Variants in TSKS observed in about 807,000 individuals in gnomAD.
TSKS encodes testis specific serine kinase substrate, also known as testis-specific serine kinase substrate.
Under a neutral mutation model 68.0 loss-of-function variants are expected in TSKS, and 27 were observed. The observed-to-expected ratio is 0.40, with a 90% CI of 0.29 to 0.55. The LOEUF (loss-of-function observed/expected upper bound fraction) is 0.55, where lower values mean the gene tolerates loss of function less well. TSKS is among the 20% of genes least tolerant of loss of function. The pLI is 0.53. For missense variants in TSKS, 806 were observed against 776.0 expected, an observed-to-expected ratio of 1.04 and a Z score of -0.46; for synonymous variants, 331 against 340.4, an observed-to-expected ratio of 0.97 and a Z score of 0.30.
intron 2 of TSKS, among the ~76,000 whole-genome samples, chr19:49,760,514 T>G (rs2084431532): frequency 6.6e-6 from 1 of 151,944 alleles, no homozygotes; most frequent in Non-Finnish European, 1.5e-5. Flanking sequence ...TTTTTGTATT[T>G]TTAGTAGAGA....
rs534346167 is a variant in TSKS at position 49,740,189 on chromosome 19, G to A, written c.1498-6C>T. On this transcript the variant is annotated splice_region_variant and splice_polypyrimidine_tract_variant and intron_variant, in intron 9 of 10. Coordinates refer to ENST00000246801, the MANE Select transcript of TSKS (RefSeq NM_021733.2). ...AAGGCCTGGCGCTCCAGCTCCTGGG[G>A]AGAGGAGCGTAGGCGTAGCTGGGCT... 44 of 1,610,432 alleles carry A rather than the reference G, an allele frequency of 2.7e-5. No homozygotes were observed. In the Admixed American group the frequency reaches 5.4e-4, roughly 20 times the overall value.
At chr19:49,762,867 A>G (rs1882096153) in intron 1 of TSKS, among the ~76,000 whole-genome samples, 1 of 149,348 alleles carries the variant, frequency 6.7e-6, no homozygotes, top group East Asian at 2.0e-4. Context: ...ATCCATCCCC[A>G]TTACCTTCTT....
intron 7 of TSKS, 46 bp downstream of exon 7, chr19:49,745,156 T>G: frequency 6.7e-7 from 1 of 1,497,258 alleles, no homozygotes; most frequent in Non-Finnish European, 9.0e-7. Flanking sequence ...AGGTTGGGAT[T>G]GCCCTGCCCC....
chr19:49,757,804 C>T (rs1000740895), intron 2 of TSKS, among the ~76,000 whole-genome samples: 1 of 151,428 alleles, frequency 6.6e-6, no homozygotes, highest in African/African-American at 2.4e-5. Context: ...CTGTCTCACC[C>T]TGATTCAGCT....
chr19:49,762,932 T>C, intron 1 of TSKS, 146 bp downstream of exon 1: 1 of 956,708 alleles, frequency 1.0e-6, no homozygotes, highest in Non-Finnish European at 1.5e-6. Flanking sequence ...TGTGACTTGA[T>C]GTCTCTTCAC....
chr19:49,740,966 C>T (rs886710516), intron 9 of TSKS, among the ~76,000 whole-genome samples: 8 of 151,950 alleles, frequency 5.3e-5, no homozygotes, highest in African/African-American at 1.9e-4. Flanking sequence ...ATCACGAGAT[C>T]AGGAGATCGA....
chr19:49,740,207 G>GCTGGGCTTGCTGGA (rs1231773674), intron 9 of TSKS, 24 bp from the exon 10 acceptor site: 1 of 1,598,660 alleles, frequency 6.3e-7, no homozygotes, highest in African/African-American at 1.3e-5. Flanking sequence ...CGTAGGCGTA[G>GCTGGGCTTGCTGGA]CTGGGCTTGC....
rs528416016 is a variant in TSKS at position 49,758,909 on chromosome 19, G to T, written c.399+3095C>A. On this transcript the variant is annotated intron_variant, in intron 2 of 10. Coordinates refer to ENST00000246801, the MANE Select transcript of TSKS (RefSeq NM_021733.2). Reference sequence around the variant, plus strand: ...TTTTGCTCTTGTTGCCCAGGCTGGAGTGCAATGGCACGATTTCGGTTCACT... The same window carrying T: ...TTTTGCTCTTGTTGCCCAGGCTGGATTGCAATGGCACGATTTCGGTTCACT... Among the ~76,000 whole-genome samples the T allele has an allele frequency of 2.0e-5, 3 of 151,860 alleles. No individual in the cohort carries two copies. The South Asian group carries it at 6.2e-4, about 32-fold the overall frequency.
chr19:49,747,116 G>A, intron 5 of TSKS: 1 of 1,508,498 alleles, frequency 6.6e-7, no homozygotes, highest in Non-Finnish European at 8.9e-7. Flanking sequence ...TGGAAAATGA[G>A]TGGGCATGTG....
Position 49,745,352 on chromosome 19 carries a change from C to T in TSKS, c.1037G>A (p.Gly346Glu). 3.1e-6 allele frequency: 5 copies of T among 1,594,946 alleles called. No homozygotes were observed. Among genetic ancestry groups the T allele is most frequent in the Non-Finnish European group, 4.3e-6 (5 of 1,175,080 alleles). ...SLTARWHQEE[G>E]AVQEALRLLG... The stretch of plus-strand genomic sequence containing the variant: ...CAGCCGCAGGGCTTCCTGCACCGCC[C>T]CCTCCTCCTGATGCCACCGGGCGGT... The change falls in exon 7 of 11, where the codon GGG becomes GAG. Residue 346 changes from glycine (G) to glutamate (E), a missense_variant. Physicochemically the swap from Gly to Glu is moderately conservative, Grantham distance 98 (BLOSUM62 -2). Coordinates refer to ENST00000246801, the MANE Select transcript of TSKS (RefSeq NM_021733.2).
intron 1 of TSKS, 143 bp downstream of exon 1, chr19:49,762,935 C>T: frequency 1.0e-6 from 1 of 1,002,972 alleles, no homozygotes; most frequent in Non-Finnish European, 1.4e-6. Flanking sequence ...GACTTGATGT[C>T]TCTTCACTGC....
Position 49,762,097 on chromosome 19 carries a change from C to T in TSKS, c.306G>A (p.Val102=). Residue 102 remains valine, a synonymous_variant, in exon 2 of 11, where the codon GTG becomes GTA. Coordinates refer to ENST00000246801, the MANE Select transcript of TSKS (RefSeq NM_021733.2). ...PTDSTGTDST[V]EDLSGQLTLA... is the part of the protein sequence containing the mutation. Reference sequence around the variant, plus strand: ...GTGTGAGTTGGCCGCTGAGGTCTTCCACTGTGGAGTCTGTCCCCGTGGAGT... The same window carrying T: ...GTGTGAGTTGGCCGCTGAGGTCTTCTACTGTGGAGTCTGTCCCCGTGGAGT... 1.9e-6 allele frequency: 3 copies of T among 1,614,142 alleles called. No individual in the cohort carries two copies. The South Asian group carries it at 3.3e-5, about 18-fold the overall frequency.
intron 2 of TSKS, among the ~76,000 whole-genome samples, chr19:49,756,577 ACACTC>A (rs1456859633): frequency 6.6e-6 from 1 of 151,712 alleles, no homozygotes; most frequent in Non-Finnish European, 1.5e-5. Context: ...AAAAAAAAAA[ACACTC>A]CACAAACTAG....
chr19:49,754,309 G>T (rs2084376336), intron 2 of TSKS, among the ~76,000 whole-genome samples: 1 of 151,484 alleles, frequency 6.6e-6, no homozygotes. Context: ...GACCAGCCCA[G>T]CCAACATGGT....
chr19:49,747,042 C>G, intron 5 of TSKS: 1 of 1,313,328 alleles, frequency 7.6e-7, no homozygotes, highest in African/African-American at 1.5e-5. Flanking sequence ...TCCAAGCCCT[C>G]CAGGCGTCAA....
intron 2 of TSKS, among the ~76,000 whole-genome samples, chr19:49,760,281 C>T (rs1019253068): frequency 3.3e-5 from 5 of 151,918 alleles, no homozygotes; most frequent in African/African-American, 1.2e-4. Context: ...GACCAGATTG[C>T]ACAACATTGT....
rs554167696 is a variant in TSKS at position 49,753,020 on chromosome 19, G to C, written c.400-4551C>G. Among the ~76,000 whole-genome samples the C allele has an allele frequency of 4.0e-4, 61 of 152,372 alleles. 1 individual carries two copies. In the South Asian group the frequency reaches 0.013, roughly 32 times the overall value. Reference sequence around the variant, plus strand: ...TGTTGTTGTTCCAGTTTAAGGAAATGTCTCTCCAATCATTAGCTAACCACT... The same window carrying C: ...TGTTGTTGTTCCAGTTTAAGGAAATCTCTCTCCAATCATTAGCTAACCACT... On this transcript the variant is annotated intron_variant, in intron 2 of 10. Coordinates refer to ENST00000246801, the MANE Select transcript of TSKS (RefSeq NM_021733.2).
In TSKS at chr19:49,748,419, C is replaced by G; in HGVS notation, c.450G>C (p.Leu150Phe). 11 of 1,614,206 alleles carry G rather than the reference C, an allele frequency of 6.8e-6. No homozygotes were observed. The highest frequency in any genetic ancestry group is 9.3e-6 in the Non-Finnish European group (11 of 1,180,034). ...GGTTAACCCGGTTGGTCTTTTCCTT[C>G]AAGCTGGTGATGGAGTCTTTGGCGC... ...LVRAKDSITSLKEKTNRVNQH... is the reference protein window; with the variant it reads ...LVRAKDSITSFKEKTNRVNQH... The change falls in exon 3 of 11, where the codon TTG becomes TTC. Residue 150 changes from leucine to phenylalanine, a missense_variant. By Grantham distance (22) the Leu-to-Phe change is conservative. Transcript: ENST00000246801.
chr19:49,762,731 C>G (rs1197954258), intron 1 of TSKS, among the ~76,000 whole-genome samples: 1 of 151,484 alleles, frequency 6.6e-6, no homozygotes, highest in Non-Finnish European at 1.5e-5. Context: ...CCGACCACCA[C>G]TGTCTACTTT....
Sources: gnomAD v4.1 joint callset for allele counts (sites outside exome capture counted in the v4.1 genomes callset) on GRCh38, gnomAD v4.1.1 for gene constraint, MANE v1.5 for transcripts, NCBI Gene and HGNC (gene_info 2026-07-23, HGNC 2026-07-21) for gene names.